ADORA2A: variants seen among roughly 807,000 people sequenced by gnomAD.
ADORA2A encodes the protein adenosine receptor A2a.
ADORA2A carries 11 observed loss-of-function variants against 18.4 expected under a neutral mutation model. The observed-to-expected ratio is 0.60, with a 90% confidence interval of 0.38 to 0.99. ADORA2A has a LOEUF of 0.99. ADORA2A is among the 50% of genes least tolerant of loss of function. The pLI, the probability that ADORA2A is intolerant of heterozygous loss-of-function variation, is 0.01. For missense variants in ADORA2A, 449 were observed against 556.1 expected (o/e 0.81, Z 1.94); for synonymous variants, 218 against 237.3 (o/e 0.92, Z 0.75).
chr22:24,425,349 C>A (rs531097812), upstream of ADORA2A, among the ~76,000 whole-genome samples: 4 of 140,136 alleles, frequency 2.9e-5, no homozygotes, highest in Admixed American at 1.4e-4. Context: ...CCCCCCCCCC[C>A]CCGCCCAACA....
chr22:24,436,556 A>G lies in ADORA2A; in HGVS notation c.332+2820A>G, dbSNP rs1307234092. On this transcript the variant is annotated intron_variant, in intron 2 of 2. Transcript: ENST00000337539. ...GTAGCTCTCTGTGTTCCCAGAGGAT[A>G]GGGAATTCAGGGTGAGAGACACAGG... is the stretch of plus-strand genomic sequence containing the variant. Among the ~76,000 whole-genome samples, 4 of 152,200 alleles carry G rather than the reference A, an allele frequency of 2.6e-5. No homozygotes were observed. In the East Asian group the frequency reaches 7.7e-4, roughly 29 times the overall value.
rs201238384 is a variant in ADORA2A, at chr22:24,441,925, C to T, written c.*436C>T. 19 of 154,906 alleles carry T rather than the reference C, an allele frequency of 1.2e-4. No homozygotes were observed. The highest frequency in any genetic ancestry group is 1.1e-4 in the Non-Finnish European group (8 of 71,930). 9.6% of individuals were successfully genotyped at this position (154,906 alleles called of 1,614,324 possible). On this transcript the variant is annotated 3_prime_UTR_variant, in exon 3 of 3. Coordinates refer to ENST00000337539, the MANE Select transcript of ADORA2A (RefSeq NM_000675.6). The stretch of plus-strand genomic sequence containing the variant: ...CCTAGGGTTCAGGAGCTGCTGGGCC[C>T]AGAGGTGACATTTGACTTTTTTCCA...
chr22:24,431,658 C>T (rs575798911), intron 1 of ADORA2A: 31 of 378,674 alleles, frequency 8.2e-5, no homozygotes, highest in African/African-American at 5.5e-4. Context: ...GCTGGCAACA[C>T]ACTCATAGGG....
At chr22:24,428,974 G>A (rs759934874) in intron 1 of ADORA2A, among the ~76,000 whole-genome samples, 1 of 152,244 alleles carries the variant, frequency 6.6e-6, no homozygotes, top group Non-Finnish European at 1.5e-5. Context: ...GGGTTCTAAG[G>A]CTGGGATTCT....
In ADORA2A at chr22:24,440,793, CTTCTTT is replaced by C. The variant is rs1244848466; in HGVS notation, c.544_549del (p.Phe182_Phe183del). 4 of 1,614,098 alleles carry C rather than the reference CTTCTTT, an allele frequency of 2.5e-6. No homozygotes were observed. The African/African-American group carries it at 5.3e-5, about 22-fold the overall frequency. ...CCATGAACTACATGGTGTACTTCAA[CTTCTTT>C]GCCTGTGTGCTGGTGCCCCTGCTGC... On this transcript the variant is annotated inframe_deletion, in exon 3 of 3. Coordinates refer to ENST00000337539, the MANE Select transcript of ADORA2A (RefSeq NM_000675.6).
At chr22:24,431,228 C>T (rs1284488515) in intron 1 of ADORA2A, 3 of 456,684 alleles carry the variant, frequency 6.6e-6, no homozygotes, top group Non-Finnish European at 1.3e-5. Context: ...CCAGCTGCTG[C>T]AGGCCCTCCG....
At chr22:24,434,096 G>C (rs550542312) in intron 2 of ADORA2A, among the ~76,000 whole-genome samples, 58 of 152,246 alleles carry the variant, frequency 3.8e-4, no homozygotes, top group Non-Finnish European at 7.8e-4. Flanking sequence ...CAGCGGGTGT[G>C]TCTGGGCCAT....
intron 1 of ADORA2A, chr22:24,431,322 C>A (rs2043030316): frequency 2.2e-6 from 1 of 456,696 alleles, no homozygotes; most frequent in Non-Finnish European, 4.4e-6. Context: ...CTAGTAGGGG[C>A]AAAAGGGCCT....
chr22:24,435,250 C>A (rs1173491451), intron 2 of ADORA2A, among the ~76,000 whole-genome samples: 3 of 152,202 alleles, frequency 2.0e-5, no homozygotes, highest in African/African-American at 7.2e-5. Context: ...ACGGGCAGAG[C>A]AGAGTTTAGG....
In ADORA2A at chr22:24,440,589, T is replaced by A; in HGVS notation, c.339T>A (p.Asn113Lys). The A allele has an allele frequency of 3.9e-6, 6 of 1,557,840 alleles. No homozygotes were observed. Among genetic ancestry groups the A allele is most frequent in the Non-Finnish European group, 5.2e-6 (6 of 1,149,412 alleles). ...YIAIRIPLRY[N>K]GLVTGTRAKG... The stretch of plus-strand genomic sequence containing the variant: ...GCTGGTCTCTTCTCCCCAGGTACAA[T>A]GGCTTGGTGACCGGCACGAGGGCTA... Residue 113 changes from asparagine (N) to lysine (K), a missense_variant, in exon 3 of 3, where the codon AAT becomes AAA. By Grantham distance (94) the Asn-to-Lys change is moderately conservative. Transcript: ENST00000337539.
chr22:24,428,397 C>T (rs780251311), intron 1 of ADORA2A, among the ~76,000 whole-genome samples: 1 of 152,256 alleles, frequency 6.6e-6, no homozygotes, highest in Non-Finnish European at 1.5e-5. Flanking sequence ...CCCCAGTCGT[C>T]TCTTCCACTG....
At chr22:24,425,419 C>G (rs2042908666), upstream of ADORA2A, among the ~76,000 whole-genome samples, 3 of 151,066 alleles carry the variant, frequency 2.0e-5, no homozygotes, top group African/African-American at 7.3e-5. Context: ...GGTGTCAGTC[C>G]CTCCTTGTTC....
intron 2 of ADORA2A, among the ~76,000 whole-genome samples, chr22:24,434,134 A>G (rs1302751084): frequency 6.6e-6 from 1 of 152,192 alleles, no homozygotes; most frequent in Non-Finnish European, 1.5e-5. Context: ...AACTTCCCGG[A>G]TGATGCTGGG....
chr22:24,431,404 GT>G (rs1190026356), intron 1 of ADORA2A: 1 of 456,622 alleles, frequency 2.2e-6, no homozygotes, highest in African/African-American at 2.0e-5. Context: ...GCCACTTGAG[GT>G]GCCGACAGCA....
intron 2 of ADORA2A, among the ~76,000 whole-genome samples, chr22:24,435,091 C>T (rs1219295035): frequency 6.6e-6 from 1 of 152,204 alleles, no homozygotes; most frequent in Non-Finnish European, 1.5e-5. Context: ...CTGGACCTCA[C>T]ACTGCCCTGT....
At chr22:24,425,340 C>A (rs1269615056), upstream of ADORA2A, among the ~76,000 whole-genome samples, 3 of 47,388 alleles carry the variant, frequency 6.3e-5, 1 homozygote, top group Middle Eastern at 7.8e-3. Flanking sequence ...GGGCAGCACC[C>A]CCCCCCCCCC....
At chr22:24,425,140 C>T (rs1439984649), upstream of ADORA2A, among the ~76,000 whole-genome samples, 30 of 152,070 alleles carry the variant, frequency 2.0e-4, no homozygotes, top group Non-Finnish European at 2.9e-5. Context: ...GGTTCCCCGG[C>T]GGGGCACCCT....
Position 24,441,188 on chromosome 22 carries a change from C to T in ADORA2A, c.938C>T (p.Pro313Leu). Residue 313 changes from proline (P) to leucine (L), a missense_variant, in exon 3 of 3, where the codon CCT (proline) becomes CTT (leucine). Coordinates refer to ENST00000337539, the MANE Select transcript of ADORA2A (RefSeq NM_000675.6). ...IRSHVLRQQE[P>L]FKAAGTSARV... ...AGCCACGTCCTGAGGCAGCAAGAAC[C>T]TTTCAAGGCAGCTGGCACCAGTGCC... 2 of 1,614,196 alleles carry T rather than the reference C, an allele frequency of 1.2e-6. No homozygotes were observed. Among genetic ancestry groups the T allele is most frequent in the African/African-American group, 1.3e-5 (1 of 75,070 alleles).
upstream of ADORA2A, chr22:24,424,368 T>G (rs1203590396): frequency 6.6e-6 from 1 of 151,722 alleles, no homozygotes; most frequent in African/African-American, 2.4e-5. This position sits in a 1 kb window ranked among gnomAD's most constrained non-coding sequence, Gnocchi z 4.9. Flanking sequence ...GGAGCGTCCG[T>G]CCGTCAGTCC....
Sources: gnomAD v4.1 joint callset for allele counts (sites outside exome capture counted in the v4.1 genomes callset) on GRCh38, gnomAD v4.1.1 for gene constraint, Gnocchi (gnomAD v3.1) non-coding constraint, MANE v1.5 for transcripts, NCBI Gene and HGNC (gene_info 2026-07-23, HGNC 2026-07-21) for gene names.